The following POLR1A variants were observed in gnomAD, a reference collection of about 807,000 sequenced individuals.
POLR1A encodes the protein RNA polymerase I subunit A.
Under a neutral mutation model 205.3 loss-of-function variants are expected in POLR1A, and 84 were observed. The ratio of observed to expected loss-of-function variants is 0.41; its 90% CI spans 0.34 to 0.49. POLR1A has a LOEUF of 0.49. Among genes scored for constraint, POLR1A ranks in the 20% least tolerant of loss-of-function variants. POLR1A has a pLI of 0.22. For missense variants in POLR1A, 1,645 were observed against 2,204.5 expected, an observed-to-expected ratio of 0.75 and a Z score of 5.08; for synonymous variants, 799 against 863.7, an observed-to-expected ratio of 0.93 and a Z score of 1.31.
intron 1 of POLR1A, among the ~76,000 whole-genome samples, chr2:86,101,493 C>T (rs753459123): frequency 2.0e-5 from 3 of 152,140 alleles, no homozygotes; most frequent in Non-Finnish European, 4.4e-5. Flanking sequence ...CACCTTGCTG[C>T]CAGTAAGCTA....
intron 27 of POLR1A, 83 bp from the exon 28 acceptor site, chr2:86,033,870 G>A (rs1023632829): frequency 5.2e-6 from 8 of 1,528,050 alleles, no homozygotes; most frequent in Middle Eastern, 4.2e-4. Context: ...GGACGCTGAG[G>A]GATTCCCACA....
chr2:86,027,364 G>A lies in POLR1A; in HGVS notation c.*59C>T. ...CCTGGTCCTCTCATGCAGAAGGCAG[G>A]CTGGGCCACGCCCTCACCAAGGGTC... On this transcript the variant is annotated 3_prime_UTR_variant, in exon 34 of 34. Transcript: ENST00000263857. 7.3e-7 allele frequency: 1 copy of A among 1,376,058 alleles called. No individual in the cohort carries two copies. Among genetic ancestry groups the A allele is most frequent in the Non-Finnish European group, 1.0e-6 (1 of 962,930 alleles). The allele number at this position is 1,376,058 out of a possible 1,614,324, so 85.2% of individuals were successfully genotyped here. A position where few individuals can be genotyped will look rare whatever the true frequency, so the allele number is the denominator to read the frequency against.
At chr2:86,075,756 C>T (rs1485599516) in intron 11 of POLR1A, among the ~76,000 whole-genome samples, 4 of 152,238 alleles carry the variant, frequency 2.6e-5, no homozygotes, top group Non-Finnish European at 5.9e-5. Context: ...GATCTGCCCG[C>T]CTCGGCCTCC....
chr2:86,064,825 C>T (rs1673058004), intron 14 of POLR1A, among the ~76,000 whole-genome samples: 1 of 151,608 alleles, frequency 6.6e-6, no homozygotes, highest in African/African-American at 2.4e-5. Flanking sequence ...CTGATCCTGA[C>T]TCACTACAAC....
chr2:86,063,335 C>CAAAAAAAAAAAAAA (rs34298205), intron 14 of POLR1A, among the ~76,000 whole-genome samples: 2 of 41,230 alleles, frequency 4.9e-5, no homozygotes, highest in African/African-American at 8.7e-5. Flanking sequence ...AACTCCATCT[C>CAAAAAAAAAAAAAA]AAAAAAAAAA....
chr2:86,096,110 TA>T (rs111472961), intron 3 of POLR1A, among the ~76,000 whole-genome samples: 8 of 151,600 alleles, frequency 5.3e-5, no homozygotes, highest in African/African-American at 1.9e-4. Context: ...AGTTGCAGGA[TA>T]AAAAAAATCA....
intron 14 of POLR1A, among the ~76,000 whole-genome samples, chr2:86,058,085 C>T (rs1252704254): frequency 1.3e-5 from 2 of 149,126 alleles, no homozygotes; most frequent in Non-Finnish European, 3.0e-5. Flanking sequence ...CTCTACTCTA[C>T]TCTCTCTACT....
Position 86,025,327 on chromosome 2 carries a change from T to C in POLR1A, c.*2096A>G, listed in dbSNP as rs1224214766. On this transcript the variant is annotated 3_prime_UTR_variant, in exon 34 of 34. Coordinates refer to ENST00000263857, the MANE Select transcript of POLR1A (RefSeq NM_015425.6). ...TGGGCACTTACAGTCCTAAGAAGACTCCAAAGCCTCTGCCATCTTAAGCTG... is the reference window on the plus strand; with the variant it reads ...TGGGCACTTACAGTCCTAAGAAGACCCCAAAGCCTCTGCCATCTTAAGCTG... 6.6e-6 allele frequency: 1 copy of C among 152,154 alleles called. No homozygotes were observed. Among genetic ancestry groups the C allele is most frequent in the Non-Finnish European group, 1.5e-5 (1 of 68,042 alleles). The allele number at this position is 152,154 out of a possible 1,614,324, so 9.4% of individuals were successfully genotyped here. A position where few individuals can be genotyped will look rare whatever the true frequency, so the allele number is the denominator to read the frequency against.
Position 86,073,224 on chromosome 2 carries a change from A to T in POLR1A, c.1611+1806T>A, listed in dbSNP as rs902675194. Among the ~76,000 whole-genome samples, 471 of 152,236 alleles carry T rather than the reference A, an allele frequency of 3.1e-3. 4 individuals carry two copies. Among genetic ancestry groups the T allele is most frequent in the African/African-American group, 0.011 (448 of 41,546 alleles). The stretch of plus-strand genomic sequence containing the variant: ...AAAAAAAAATAAAATAAAAAAAAAA[A>T]AAATGACAGGTTTTGGTGGGTAGCA... On this transcript the variant is annotated intron_variant, in intron 12 of 33. Transcript: ENST00000263857.
chr2:86,075,155 T>C lies in POLR1A; in HGVS notation c.1486A>G (p.Met496Val), dbSNP rs777971983. 13 of 1,613,444 alleles carry C rather than the reference T, an allele frequency of 8.1e-6. No individual in the cohort carries two copies. In the African/African-American group the frequency reaches 9.3e-5, roughly 12 times the overall value. Residue 496 changes from methionine (M) to valine (V), a missense_variant, in exon 12 of 34, where the codon ATG (methionine) becomes GTG (valine). Physicochemically the swap from Met to Val is conservative, Grantham distance 21. Around this residue, in one of 16 missense-constraint regions of POLR1A, gnomAD observed 131 missense variants for 214.5 expected, o/e 0.61. Coordinates refer to ENST00000263857, the MANE Select transcript of POLR1A (RefSeq NM_015425.6). ...NGPNVHPGAS[M>V]VINEDGSRTA... is the part of the protein sequence containing the mutation. Reference sequence around the variant, plus strand: ...CGGCTGCCGTCCTCATTGATGACCATGGAGGCTCCTGGGTGCACATTAGGG... The same window carrying C: ...CGGCTGCCGTCCTCATTGATGACCACGGAGGCTCCTGGGTGCACATTAGGG...
At chr2:86,105,240 A>T (rs556975608) in intron 1 of POLR1A, among the ~76,000 whole-genome samples, 28 of 152,336 alleles carry the variant, frequency 1.8e-4, no homozygotes, top group South Asian at 1.2e-3. Flanking sequence ...ATGAAGACTA[A>T]AGAGAGTTCC....
intron 14 of POLR1A, 33 bp from the exon 15 acceptor site, chr2:86,054,322 A>C: frequency 6.2e-7 from 1 of 1,608,350 alleles, no homozygotes; most frequent in Non-Finnish European, 8.5e-7. Context: ...CTGATGGCAA[A>C]AAGAAAAGTG....
At chr2:86,066,319 C>G (rs1033023535) in intron 13 of POLR1A, among the ~76,000 whole-genome samples, 3 of 152,128 alleles carry the variant, frequency 2.0e-5, no homozygotes, top group African/African-American at 7.2e-5. Flanking sequence ...TTAATAAAGG[C>G]TGTTATCTAC....
At chr2:86,096,013 C>T (rs185477835) in intron 3 of POLR1A, among the ~76,000 whole-genome samples, 195 of 152,140 alleles carry the variant, frequency 1.3e-3, no homozygotes, top group African/African-American at 4.4e-3. Flanking sequence ...CAGGTGTGAG[C>T]CACTGCACCC....
chr2:86,032,429 T>G (rs372226250), intron 28 of POLR1A, 47 bp from the exon 29 acceptor site: 1 of 1,316,938 alleles, frequency 7.6e-7, no homozygotes, highest in Non-Finnish European at 1.1e-6. Flanking sequence ...CAATATCTAG[T>G]GCTCAGTGAA....
chr2:86,065,225 G>A, intron 14 of POLR1A, 49 bp downstream of exon 14: 2 of 1,496,920 alleles, frequency 1.3e-6, no homozygotes, highest in East Asian at 2.3e-5. Context: ...TTTTACATGA[G>A]TGGCCTATTT....
intron 23 of POLR1A, among the ~76,000 whole-genome samples, chr2:86,042,522 A>C (rs1672627670): frequency 6.6e-6 from 1 of 152,308 alleles, no homozygotes; most frequent in East Asian, 1.9e-4. Context: ...GGCTGTCCCA[A>C]AGTGACTGCT....
intron 8 of POLR1A, 115 bp downstream of exon 8, chr2:86,081,486 G>A (rs575303504): frequency 4.7e-5 from 30 of 633,474 alleles, no homozygotes; most frequent in South Asian, 8.3e-5. Flanking sequence ...CACCTGGAGC[G>A]GAACTGCAGC....
chr2:86,090,650 T>C (rs1013834569), intron 3 of POLR1A, among the ~76,000 whole-genome samples: 2 of 152,224 alleles, frequency 1.3e-5, no homozygotes, highest in Non-Finnish European at 2.9e-5. Context: ...AAGCAGGACA[T>C]CACTTGGTAT....
Sources: gnomAD v4.1 joint callset for allele counts (sites outside exome capture counted in the v4.1 genomes callset) on GRCh38, gnomAD v4.1.1 for gene constraint, gnomAD v4.1.1 regional missense constraint, MANE v1.5 for transcripts, NCBI Gene and HGNC (gene_info 2026-07-23, HGNC 2026-07-21) for gene names.